Variants in C10orf120 observed in about 807,000 individuals in gnomAD.
C10orf120 encodes chromosome 10 open reading frame 120, also known as uncharacterized protein C10orf120.
C10orf120 carries 15 observed loss-of-function variants against 10.8 expected under a neutral mutation model. The ratio of observed to expected loss-of-function variants is 1.39; its 90% CI spans 0.93 to 2.14. C10orf120 has a LOEUF of 2.14. C10orf120 is among the 30% of genes most tolerant of loss of function. The probability of loss-of-function intolerance (pLI) is 0.00; values close to 1 mark genes in which losing one functional copy is unlikely to be tolerated. For missense variants in C10orf120, 447 were observed against 411.3 expected (o/e 1.09, Z -0.75); for synonymous variants, 141 against 138.9 (o/e 1.02, Z -0.11).
At chr10:122,699,529 G>C in intron 1 of C10orf120, 86 bp downstream of exon 1, 9 of 1,453,040 alleles carry the variant, frequency 6.2e-6, no homozygotes, top group Non-Finnish European at 8.5e-6. Flanking sequence ...AGGCCGCCAT[G>C]AGCAGGGGTT....
At position 122,698,028 on chromosome 10, in the gene C10orf120, C is replaced by T. The variant is rs1845810627; in HGVS notation, c.713G>A (p.Arg238Lys). 8.7e-6 allele frequency: 14 copies of T among 1,608,694 alleles called. No homozygotes were observed. Among genetic ancestry groups the T allele is most frequent in the Non-Finnish European group, 1.1e-5 (13 of 1,178,804 alleles). ...KEEAEGKNTKRREIKMNVVFK... is the reference protein window; with the variant it reads ...KEEAEGKNTKKREIKMNVVFK... ...AACTACATTCATTTTTATTTCTCGTCTTTTTGTGTTTTTTCCCTCTGCCTC... is the reference window on the plus strand; with the variant it reads ...AACTACATTCATTTTTATTTCTCGTTTTTTTGTGTTTTTTCCCTCTGCCTC... The change falls in exon 3 of 3, where the codon AGA becomes AAA. Residue 238 changes from arginine (R) to lysine (K), a missense_variant. Physicochemically the swap from Arg to Lys is conservative, Grantham distance 26. Transcript: ENST00000329446.
chr10:122,699,471 C>T (rs1845831217), intron 1 of C10orf120, 59 bp from the exon 2 acceptor site: 1 of 1,509,734 alleles, frequency 6.6e-7, no homozygotes, highest in South Asian at 1.1e-5. Flanking sequence ...ACTTTTCCCT[C>T]CTGGAGTGGG....
Position 122,699,781 on chromosome 10 carries a change from CTCTGATCATACTCCGGCAATAAGCTAGG to C in C10orf120, c.-19_9del, listed in dbSNP as rs1323013782. On this transcript the variant is annotated start_lost and 5_prime_UTR_variant, in exon 1 of 3. Coordinates refer to ENST00000329446, the MANE Select transcript of C10orf120 (RefSeq NM_001010912.4). ...ATCCTCTGACAGTCATTCTTCCATT[CTCTGATCATACTCCGGCAATAAGCTAGG>C]ACGGGAGGTGTTCACACCTGGAGTT... is the stretch of plus-strand genomic sequence containing the variant. The C allele has an allele frequency of 4.3e-6, 7 of 1,611,980 alleles. No homozygotes were observed. Among genetic ancestry groups the C allele is most frequent in the Non-Finnish European group, 5.1e-6 (6 of 1,178,998 alleles).
chr10:122,698,154 G>A lies in C10orf120; in HGVS notation c.587C>T (p.Ser196Phe). 3 of 1,613,364 alleles carry A rather than the reference G, an allele frequency of 1.9e-6. No individual in the cohort carries two copies. Among genetic ancestry groups the A allele is most frequent in the Non-Finnish European group, 2.5e-6 (3 of 1,179,874 alleles). ...IERFTRSSFL[S>F]GVGLGPMAKN... ...TGCCATTGGACCCAGGCCCACCCCA[G>A]ACAGAAATGAGGAGCGTGTAAACCT... The change falls in exon 3 of 3, where the codon TCT (serine) becomes TTT (phenylalanine). Residue 196 changes from serine to phenylalanine, a missense_variant. Transcript: ENST00000329446.
chr10:122,699,710 A>T lies in C10orf120; in HGVS notation c.81T>A (p.Asn27Lys). 2 of 1,614,080 alleles carry T rather than the reference A, an allele frequency of 1.2e-6. No individual in the cohort carries two copies. The highest frequency in any genetic ancestry group is 2.2e-5 in the East Asian group (1 of 44,884). Residue 27 changes from asparagine to lysine, a missense_variant, in exon 1 of 3, where the codon AAT becomes AAA. By Grantham distance (94) the Asn-to-Lys change is moderately conservative. Coordinates refer to ENST00000329446, the MANE Select transcript of C10orf120 (RefSeq NM_001010912.4). ...TATTAAATATTCTAACTGGCTTTTC[A>T]TTCTTCCTTTCTTGCACCATTGTGT... ...ASDTMVQERKNEKPVRIFNTN... is the reference protein window; with the variant it reads ...ASDTMVQERKKEKPVRIFNTN...
chr10:122,699,527 A>G, intron 1 of C10orf120, 88 bp downstream of exon 1: 1 of 1,455,484 alleles, frequency 6.9e-7, no homozygotes, highest in Non-Finnish European at 9.4e-7. Flanking sequence ...TGAGGCCGCC[A>G]TGAGCAGGGG....
chr10:122,699,615 C>G lies in C10orf120; in HGVS notation c.176G>C (p.Arg59Pro), dbSNP rs369994006. The change falls in exon 1 of 3, where the codon CGG becomes CCG. Residue 59 changes from arginine (R) to proline (P), a missense_variant and splice_region_variant. Transcript: ENST00000329446. Reference protein sequence around the residue: ...QEDLSSASPLRIWSKFYRSDP... With the variant: ...QEDLSSASPLPIWSKFYRSDP... ...AGACTAAAGTGCAAGTCAGACTCAC[C>G]GCAACGGTGAAGCAGAACTCAGATC... 2.6e-5 allele frequency: 41 copies of G among 1,603,716 alleles called. No individual in the cohort carries two copies. In the Middle Eastern group the frequency reaches 5.1e-4, roughly 20 times the overall value.
chr10:122,697,876 C>A lies in C10orf120; in HGVS notation c.865G>T (p.Glu289Ter). The change falls in exon 3 of 3, where the codon GAA (glutamate) becomes TAA (stop). Residue 289 changes from glutamate to a stop codon, truncating the protein, a stop_gained. Coordinates refer to ENST00000329446, the MANE Select transcript of C10orf120 (RefSeq NM_001010912.4). LOFTEE classifies it low-confidence loss of function (END_TRUNC). The part of the protein sequence containing the change: ...LTNRNLFCIS[E>*]FPGDLMLMNQ... ...ATTAGCATTAAGTCACCAGGGAATTCTGATATGCAGAAAAGATTTCGGTTT... is the reference window on the plus strand; with the variant it reads ...ATTAGCATTAAGTCACCAGGGAATTATGATATGCAGAAAAGATTTCGGTTT... 1 of 1,614,186 alleles carries A rather than the reference C, an allele frequency of 6.2e-7. No individual in the cohort carries two copies.
rs761010262 is a variant in C10orf120 at position 122,699,667 on chromosome 10, C to A, written c.124G>T (p.Asp42Tyr). ...RIFNTNSSFQDQAPTCCQEDL... is the reference protein window; with the variant it reads ...RIFNTNSSFQYQAPTCCQEDL... ...TCTTGGCAACACGTTGGGGCTTGAT[C>A]CTGAAAGGAAGAGTTGGTATTAAAT... Residue 42 changes from aspartate (D) to tyrosine (Y), a missense_variant, in exon 1 of 3, where the codon GAT (aspartate) becomes TAT (tyrosine). Physicochemically the swap from Asp to Tyr is radical, Grantham distance 160. Transcript: ENST00000329446. The A allele has an allele frequency of 6.2e-7, 1 of 1,613,964 alleles. No homozygotes were observed. Among genetic ancestry groups the A allele is most frequent in the South Asian group, 1.1e-5 (1 of 91,034 alleles).
chr10:122,698,694 G>A (rs1254509550), intron 2 of C10orf120, among the ~76,000 whole-genome samples: 1 of 152,146 alleles, frequency 6.6e-6, no homozygotes, highest in Non-Finnish European at 1.5e-5. Flanking sequence ...GAATAATTTT[G>A]TTGACTTTAC....
In C10orf120 at chr10:122,699,643, CTTGGCAACACG is replaced by C; in HGVS notation, c.137_147del (p.Thr46ArgfsTer77). The C allele has an allele frequency of 6.2e-7, 1 of 1,612,712 alleles. No homozygotes were observed. Among genetic ancestry groups the C allele is most frequent in the Non-Finnish European group, 8.5e-7 (1 of 1,179,228 alleles). On this transcript the variant is annotated frameshift_variant, in exon 1 of 3. Transcript: ENST00000329446. LOFTEE classifies it high-confidence loss of function. ...AACGGTGAAGCAGAACTCAGATCCT[CTTGGCAACACG>C]TTGGGGCTTGATCCTGAAAGGAAGA...
intron 2 of C10orf120, 111 bp from the exon 3 acceptor site, chr10:122,698,599 C>G (rs1332216220): frequency 3.0e-6 from 3 of 986,318 alleles, no homozygotes; most frequent in Non-Finnish European, 4.6e-6. Context: ...GTTTGAGCCT[C>G]TCTGTAGTGG....
At chr10:122,699,502 C>G in intron 1 of C10orf120, 90 bp from the exon 2 acceptor site, 1 of 1,446,908 alleles carries the variant, frequency 6.9e-7, no homozygotes, top group Non-Finnish European at 9.6e-7. Context: ...AAGGGTTATT[C>G]TACACTAGCC....
In C10orf120 at chr10:122,699,621, G is replaced by A. The variant is rs1306196935; in HGVS notation, c.170C>T (p.Pro57Leu). 3.1e-6 allele frequency: 5 copies of A among 1,607,548 alleles called. No individual in the cohort carries two copies. Among genetic ancestry groups the A allele is most frequent in the South Asian group, 2.2e-5 (2 of 89,704 alleles). ...AAGTGCAAGTCAGACTCACCGCAAC[G>A]GTGAAGCAGAACTCAGATCCTCTTG... Reference protein sequence around the residue: ...CCQEDLSSASPLRIWSKFYRS... With the variant: ...CCQEDLSSASLLRIWSKFYRS... Residue 57 changes from proline to leucine, a missense_variant, in exon 1 of 3, where the codon CCG becomes CTG. By Grantham distance (98) the Pro-to-Leu change is moderately conservative. Transcript: ENST00000329446.
Position 122,698,343 on chromosome 10 carries a change from C to T in C10orf120, c.398G>A (p.Cys133Tyr). Reference protein sequence around the residue: ...MEYKKKHSSPCAICVPLEKIW... With the variant: ...MEYKKKHSSPYAICVPLEKIW... The stretch of plus-strand genomic sequence containing the variant: ...TTTTTCTAGGGGTACACAAATAGCA[C>T]AAGGAGAGGAATGTTTCTTTTTATA... Residue 133 changes from cysteine (C) to tyrosine (Y), a missense_variant, in exon 3 of 3, where the codon TGT (cysteine) becomes TAT (tyrosine). Transcript: ENST00000329446. 6.2e-7 allele frequency: 1 copy of T among 1,614,190 alleles called. No individual in the cohort carries two copies. Among genetic ancestry groups the T allele is most frequent in the Non-Finnish European group, 8.5e-7 (1 of 1,180,034 alleles).
chr10:122,699,450 A>G (rs775179618), intron 1 of C10orf120, 38 bp from the exon 2 acceptor site: 17 of 1,563,558 alleles, frequency 1.1e-5, no homozygotes, highest in Middle Eastern at 1.7e-4. Context: ...AATTCTGGAA[A>G]GGCTCTTCCT....
At chr10:122,698,555 G>T in intron 2 of C10orf120, 67 bp from the exon 3 acceptor site, 1 of 1,458,494 alleles carries the variant, frequency 6.9e-7, no homozygotes, top group Non-Finnish European at 9.5e-7. Flanking sequence ...ACAGAAACTT[G>T]CTAGTGGCTG....
Position 122,698,188 on chromosome 10 carries a change from A to G in C10orf120, c.553T>C (p.Tyr185His), listed in dbSNP as rs1845813461. The G allele has an allele frequency of 9.3e-6, 15 of 1,613,178 alleles. No individual in the cohort carries two copies. Among genetic ancestry groups the G allele is most frequent in the Non-Finnish European group, 1.3e-5 (15 of 1,179,766 alleles). ...RALGNHQPLP[Y>H]IERFTRSSFL... ...GAGGAGCGTGTAAACCTTTCAATGT[A>G]GGGTAAAGGCTGATGATTTCCCAGA... The change falls in exon 3 of 3, where the codon TAC (tyrosine) becomes CAC (histidine). Residue 185 changes from tyrosine (Y) to histidine (H), a missense_variant. Physicochemically the swap from Tyr to His is moderately conservative, Grantham distance 83. Coordinates refer to ENST00000329446, the MANE Select transcript of C10orf120 (RefSeq NM_001010912.4).
rs1845832603 is a variant in C10orf120, at chr10:122,699,662, T to C, written c.129A>G (p.Gln43=). 1 of 1,613,860 alleles carries C rather than the reference T, an allele frequency of 6.2e-7. No homozygotes were observed. The highest frequency in any genetic ancestry group is 1.1e-5 in the South Asian group (1 of 91,036). The change falls in exon 1 of 3, where the codon CAA becomes CAG. Residue 43 remains glutamine (Q), a synonymous_variant. Coordinates refer to ENST00000329446, the MANE Select transcript of C10orf120 (RefSeq NM_001010912.4). The part of the protein sequence containing the change: ...IFNTNSSFQD[Q]APTCCQEDLS... ...GATCCTCTTGGCAACACGTTGGGGC[T>C]TGATCCTGAAAGGAAGAGTTGGTAT...
Sources: gnomAD v4.1 joint callset for allele counts (sites outside exome capture counted in the v4.1 genomes callset) on GRCh38, gnomAD v4.1.1 for gene constraint, MANE v1.5 for transcripts, NCBI Gene and HGNC (gene_info 2026-07-23, HGNC 2026-07-21) for gene names.